G2E3: variants seen among roughly 807,000 people sequenced by gnomAD.
The protein encoded by G2E3 is G2/M phase-specific E3 ubiquitin-protein ligase.
In G2E3, 35 loss-of-function variants were observed where a neutral mutation model predicts 92.8. The observed-to-expected ratio is 0.38, with a 90% CI of 0.29 to 0.50. The LOEUF is 0.50. Among genes scored for constraint, G2E3 ranks in the 20% least tolerant of loss-of-function variants. The pLI is 0.94. For synonymous variants in G2E3, 242 were observed against 272.4 expected (o/e 0.89, Z 1.10); for missense variants, 554 against 823.8 (o/e 0.67, Z 4.01).
intron 1 of G2E3, among the ~76,000 whole-genome samples, chr14:30,580,263 A>G (rs529024155): frequency 2.0e-5 from 3 of 152,164 alleles, no homozygotes; most frequent in East Asian, 1.9e-4. Context: ...CTAGAGTGCA[A>G]TGGTGTGATC....
chr14:30,574,157 G>A (rs958855126), intron 1 of G2E3, among the ~76,000 whole-genome samples: 2 of 152,020 alleles, frequency 1.3e-5, no homozygotes, highest in South Asian at 4.1e-4. Context: ...TTTCTGAACC[G>A]TTGGAGAGTA....
intron 1 of G2E3, among the ~76,000 whole-genome samples, chr14:30,563,124 G>A (rs1407627388): frequency 3.4e-5 from 5 of 147,224 alleles, no homozygotes; most frequent in African/African-American, 7.5e-5. Context: ...AAAACCCACC[G>A]ATCCTGTGGG....
At chr14:30,610,097 C>T (rs1264137192) in intron 12 of G2E3, among the ~76,000 whole-genome samples, 1 of 152,158 alleles carries the variant, frequency 6.6e-6, no homozygotes, top group Non-Finnish European at 1.5e-5. Context: ...CATTTAAGAC[C>T]TTCACCTCTC....
intron 2 of G2E3, among the ~76,000 whole-genome samples, chr14:30,586,475 G>A (rs183145270): frequency 3.9e-5 from 6 of 152,194 alleles, no homozygotes; most frequent in African/African-American, 7.2e-5. Context: ...TTTCAGTGAC[G>A]TTACTTCATA....
chr14:30,604,624 T>G (rs572448308), intron 10 of G2E3, among the ~76,000 whole-genome samples: 3 of 152,372 alleles, frequency 2.0e-5, no homozygotes, highest in Admixed American at 6.5e-5. Flanking sequence ...GCACACTTTG[T>G]GACTTACTGA....
rs376502139 is a variant in G2E3, at chr14:30,593,612, C to T, written c.501C>T (p.Asn167=). 7.8e-5 allele frequency: 125 copies of T among 1,607,756 alleles called. No individual in the cohort carries two copies. Among genetic ancestry groups the T allele is most frequent in the Admixed American group, 1.5e-4 (9 of 59,864 alleles). ...TATTACGAAGTCCTTGTTGTAAGAA[C>T]GCTTGGTTTCATAGAGACTGTTTAC... ...YNILRSPCCK[N]AWFHRDCLQV... Residue 167 remains asparagine, a synonymous_variant, in exon 6 of 15, where the codon AAC becomes AAT. Coordinates refer to ENST00000206595, the MANE Select transcript of G2E3 (RefSeq NM_017769.5).
In G2E3 at chr14:30,613,999, T is replaced by C. The variant is rs576372930; in HGVS notation, c.1674-1350T>C. Among the ~76,000 whole-genome samples the C allele has an allele frequency of 5.5e-4, 84 of 152,206 alleles. 1 individual carries two copies. The highest frequency in any genetic ancestry group is 9.4e-4 in the Non-Finnish European group (64 of 67,980). On this transcript the variant is annotated intron_variant, in intron 13 of 14. Transcript: ENST00000206595. ...AAATTGAGCATAAATTGCATTTTCATTTTTTATTTTTAGTGATTAGTTTTT... is the reference window on the plus strand; with the variant it reads ...AAATTGAGCATAAATTGCATTTTCACTTTTTATTTTTAGTGATTAGTTTTT...
chr14:30,579,429 C>T (rs1436046641), intron 1 of G2E3, among the ~76,000 whole-genome samples: 1 of 152,116 alleles, frequency 6.6e-6, no homozygotes, highest in Non-Finnish European at 1.5e-5. Flanking sequence ...TAGGAAAGCA[C>T]AGAAATATAT....
intron 13 of G2E3, 75 bp downstream of exon 13, chr14:30,612,454 T>C: frequency 1.1e-6 from 1 of 911,452 alleles, no homozygotes; most frequent in South Asian, 1.9e-5. Context: ...TAATGTGAGA[T>C]ATATTTGGTA....
At chr14:30,595,733 T>C (rs1881246175) in intron 6 of G2E3, among the ~76,000 whole-genome samples, 1 of 152,206 alleles carries the variant, frequency 6.6e-6, no homozygotes, top group South Asian at 2.1e-4. Context: ...CGGTCTTAAC[T>C]GAAATAACAT....
intron 1 of G2E3, among the ~76,000 whole-genome samples, chr14:30,572,021 G>A (rs1879795762): frequency 6.6e-6 from 1 of 151,172 alleles, no homozygotes; most frequent in South Asian, 2.1e-4. Flanking sequence ...ACGCCCATGA[G>A]CATTGTCTAT....
intron 13 of G2E3, among the ~76,000 whole-genome samples, chr14:30,613,130 A>G (rs1307571672): frequency 6.6e-6 from 1 of 152,124 alleles, no homozygotes; most frequent in African/African-American, 2.4e-5. Flanking sequence ...CAACTTATGT[A>G]TCTCCTTACA....
intron 11 of G2E3, among the ~76,000 whole-genome samples, chr14:30,607,342 C>T (rs530548831): frequency 5.9e-5 from 9 of 152,002 alleles, no homozygotes; most frequent in South Asian, 4.1e-4. Context: ...AGTATACTTA[C>T]GCAAACCTAG....
intron 4 of G2E3, chr14:30,590,961 G>C: frequency 8.8e-6 from 2 of 226,862 alleles, no homozygotes; most frequent in South Asian, 1.1e-4. Flanking sequence ...CCTCTAATCT[G>C]AAAATCCAAA....
chr14:30,577,463 C>T (rs1405675962), intron 1 of G2E3, among the ~76,000 whole-genome samples: 2 of 152,076 alleles, frequency 1.3e-5, no homozygotes, highest in Non-Finnish European at 2.9e-5. Flanking sequence ...GTGGTTCTGG[C>T]TTAGGGTCTT....
chr14:30,588,187 T>C (rs1186079797), intron 3 of G2E3, among the ~76,000 whole-genome samples: 1 of 150,520 alleles, frequency 6.6e-6, no homozygotes, highest in Non-Finnish European at 1.5e-5. Context: ...AATCTTTCCA[T>C]TTTTGTAAGT....
chr14:30,586,666 T>C, intron 2 of G2E3, 52 bp from the exon 3 acceptor site: 1 of 631,420 alleles, frequency 1.6e-6, no homozygotes, highest in South Asian at 2.4e-5. Flanking sequence ...CCATAGGGTT[T>C]TTTTGAAATA....
intron 1 of G2E3, among the ~76,000 whole-genome samples, chr14:30,569,139 C>T (rs1216902452): frequency 2.6e-5 from 4 of 152,068 alleles, no homozygotes; most frequent in Non-Finnish European, 5.9e-5. Context: ...TGTAAAAAGT[C>T]AAACAATGCC....
chr14:30,597,292 G>A (rs1881336426), intron 6 of G2E3, 128 bp from the exon 7 acceptor site: 1 of 629,562 alleles, frequency 1.6e-6, no homozygotes, highest in African/African-American at 1.9e-5. Flanking sequence ...GACAAAGTTT[G>A]AGAACCCACT....
Sources: gnomAD v4.1 joint callset for allele counts (sites outside exome capture counted in the v4.1 genomes callset) on GRCh38, gnomAD v4.1.1 for gene constraint, MANE v1.5 for transcripts, NCBI Gene and HGNC (gene_info 2026-07-23, HGNC 2026-07-21) for gene names.